The following PRMT8 variants were observed in gnomAD, a reference collection of about 807,000 sequenced individuals.
PRMT8 encodes protein arginine methyltransferase 8, also known as protein arginine N-methyltransferase 8.
In PRMT8, 7 loss-of-function variants were observed where a neutral mutation model predicts 47.1. That is an observed-to-expected ratio of 0.15 (90% CI 0.08 to 0.28). The LOEUF (loss-of-function observed/expected upper bound fraction) is 0.28. Ranked by LOEUF, PRMT8 falls within the 10% of genes least tolerant of loss-of-function variation. PRMT8 has a pLI of 1.00. For missense variants in PRMT8, 237 were observed against 505.4 expected, an observed-to-expected ratio of 0.47 and a Z score of 5.09; for synonymous variants, 188 against 186.5, an observed-to-expected ratio of 1.01 and a Z score of -0.07.
chr12:3,407,361 G>C (rs1864383120), intron 1 of PRMT8, among the ~76,000 whole-genome samples: 1 of 137,180 alleles, frequency 7.3e-6, no homozygotes, highest in African/African-American at 3.1e-5. Context: ...TAGTATTCTT[G>C]GCTGACTTTT....
At chr12:3,542,805 C>T (rs993441213) in intron 2 of PRMT8, among the ~76,000 whole-genome samples, 4 of 152,220 alleles carry the variant, frequency 2.6e-5, no homozygotes, top group South Asian at 2.1e-4. Context: ...AGGCTATTAC[C>T]GATCTCTATA....
At chr12:3,518,409 T>TA (rs1555088238) in intron 1 of PRMT8, among the ~76,000 whole-genome samples, 43 of 148,954 alleles carry the variant, frequency 2.9e-4, no homozygotes, top group East Asian at 5.9e-4. Flanking sequence ...TTTTTTTTTT[T>TA]AAAAAAAAGG....
intron 1 of PRMT8, among the ~76,000 whole-genome samples, chr12:3,472,966 C>T (rs1430584254): frequency 2.0e-5 from 3 of 152,020 alleles, no homozygotes; most frequent in South Asian, 4.2e-4. Context: ...AACCAGTTCT[C>T]GTATTTTATA....
At chr12:3,435,872 C>T (rs2137071123) in intron 1 of PRMT8, among the ~76,000 whole-genome samples, 1 of 152,232 alleles carries the variant, frequency 6.6e-6, no homozygotes, top group Non-Finnish European at 1.5e-5. Context: ...GCTTGTGGGT[C>T]CTTTCCTAGT....
At chr12:3,457,053 A>G (rs904834539) in intron 1 of PRMT8, among the ~76,000 whole-genome samples, 1 of 152,188 alleles carries the variant, frequency 6.6e-6, no homozygotes, top group South Asian at 2.1e-4. Context: ...TTGAGTGAAT[A>G]GAAGAGTGCT....
rs570816977 is a variant in PRMT8, at chr12:3,514,415, C to T, written c.75+22715C>T. On this transcript the variant is annotated intron_variant, in intron 1 of 9. Coordinates refer to ENST00000382622, the MANE Select transcript of PRMT8 (RefSeq NM_019854.5). The surrounding 1 kb of genome is among the most constrained non-coding windows in gnomAD (Gnocchi z 5.9). ...TGTGGCTGGCATTCGGGCTGCAAGA[C>T]GTGGTTTAGAGAGGGGTTGCTCACC... Among the ~76,000 whole-genome samples, 3 of 152,130 alleles carry T rather than the reference C, an allele frequency of 2.0e-5. No individual in the cohort carries two copies. The highest frequency in any genetic ancestry group is 4.1e-4 in the South Asian group (2 of 4,826).
chr12:3,566,025 G>T lies in PRMT8; in HGVS notation c.482-2681G>T, dbSNP rs1866714267. On this transcript the variant is annotated intron_variant, in intron 4 of 9. Transcript: ENST00000382622. This position sits in a 1 kb window ranked among gnomAD's most constrained non-coding sequence, Gnocchi z 4.7. ...GGTCATGATATAAATGCAGGAGGAG[G>T]AACTGACCCATAGCCACACAGACAC... 6.6e-6 allele frequency among the ~76,000 whole-genome samples: 1 copy of T among 152,044 alleles called. No individual in the cohort carries two copies. Among genetic ancestry groups the T allele is most frequent in the African/African-American group, 2.4e-5 (1 of 41,390 alleles).
At chr12:3,420,208 C>T (rs1429012701) in intron 1 of PRMT8, among the ~76,000 whole-genome samples, 1 of 152,136 alleles carries the variant, frequency 6.6e-6, no homozygotes, top group African/African-American at 2.4e-5. Context: ...AAAACTCTCT[C>T]TCTCTCTCTC....
At chr12:3,403,586 A>G (rs1481849663) in intron 1 of PRMT8, among the ~76,000 whole-genome samples, 1 of 152,146 alleles carries the variant, frequency 6.6e-6, no homozygotes, top group Non-Finnish European at 1.5e-5. Flanking sequence ...TAATAGAGAA[A>G]TGCAGTCTTT....
At chr12:3,526,904 T>C (rs1332499411) in intron 1 of PRMT8, among the ~76,000 whole-genome samples, 1 of 152,224 alleles carries the variant, frequency 6.6e-6, no homozygotes, top group Non-Finnish European at 1.5e-5. Flanking sequence ...TAGAATGGCA[T>C]ATGGCTGTTT....
At chr12:3,496,445 T>G (rs942925813) in intron 1 of PRMT8, among the ~76,000 whole-genome samples, 1 of 151,576 alleles carries the variant, frequency 6.6e-6, no homozygotes, top group Admixed American at 6.6e-5. Flanking sequence ...GTCCCATTAT[T>G]ACAGGGGTTA....
intron 4 of PRMT8, among the ~76,000 whole-genome samples, chr12:3,556,063 A>G (rs1866523707): frequency 6.6e-6 from 1 of 152,108 alleles, no homozygotes. Context: ...TGGGGGTGGC[A>G]GGAGTGAGAA....
chr12:3,433,704 C>T (rs1366690280), intron 1 of PRMT8, among the ~76,000 whole-genome samples: 4 of 152,142 alleles, frequency 2.6e-5, no homozygotes, highest in South Asian at 2.1e-4. Flanking sequence ...CTCGGCCTCC[C>T]GGGTTCAAGC....
At chr12:3,434,864 A>G (rs1221638173) in intron 1 of PRMT8, among the ~76,000 whole-genome samples, 2 of 149,296 alleles carry the variant, frequency 1.3e-5, no homozygotes, top group Admixed American at 1.3e-4. Context: ...AGTGTTCCCA[A>G]CACAATGCTT....
intron 1 of PRMT8, among the ~76,000 whole-genome samples, chr12:3,411,923 A>G (rs1386918293): frequency 6.6e-6 from 1 of 152,234 alleles, no homozygotes; most frequent in African/African-American, 2.4e-5. Flanking sequence ...GCAATAGAAA[A>G]TGGACTAACT....
At chr12:3,496,236 T>C (rs972874364) in intron 1 of PRMT8, among the ~76,000 whole-genome samples, 14 of 98,786 alleles carry the variant, frequency 1.4e-4, no homozygotes, top group African/African-American at 5.5e-4. Flanking sequence ...TTTTTTTTTT[T>C]TTTTGAATGT....
At chr12:3,435,730 C>T (rs1864734115) in intron 1 of PRMT8, among the ~76,000 whole-genome samples, 1 of 151,994 alleles carries the variant, frequency 6.6e-6, no homozygotes, top group African/African-American at 2.4e-5. Context: ...CCATCTTAGC[C>T]AGGATGGTCT....
chr12:3,571,088 A>G (rs1591609074), intron 6 of PRMT8, among the ~76,000 whole-genome samples: 1 of 152,356 alleles, frequency 6.6e-6, no homozygotes, highest in Middle Eastern at 3.4e-3. Context: ...GATGACATAT[A>G]TTAAAGGACG....
At chr12:3,491,771 G>A in intron 1 of PRMT8, 71 bp downstream of exon 1, 9 of 1,541,392 alleles carry the variant, frequency 5.8e-6, no homozygotes, top group Non-Finnish European at 7.8e-6. Flanking sequence ...CGCCGCCGCC[G>A]CTCAGCGCCG....
Sources: allele counts gnomAD v4.1 joint callset (sites outside exome capture counted in the v4.1 genomes callset), GRCh38; gene constraint gnomAD v4.1.1; non-coding constraint Gnocchi (gnomAD v3.1); transcripts MANE v1.5; gene names NCBI Gene and HGNC (gene_info 2026-07-23, HGNC 2026-07-21).